The following SNAP23 variants were observed in gnomAD, a reference collection of about 807,000 sequenced individuals.
The protein encoded by SNAP23 is synaptosomal-associated protein 23.
Under a neutral mutation model 29.0 loss-of-function variants are expected in SNAP23, and 11 were observed. That is an observed-to-expected ratio of 0.38 (90% confidence interval 0.24 to 0.63). SNAP23 has a LOEUF of 0.63. Among genes scored for constraint, SNAP23 ranks in the 20% least tolerant of loss-of-function variants. The probability of loss-of-function intolerance (pLI) is 0.58; values close to 1 mark genes in which losing one functional copy is unlikely to be tolerated. For synonymous variants in SNAP23, 60 were observed against 82.9 expected (o/e 0.72, Z 1.50); for missense variants, 220 against 253.9 (o/e 0.87, Z 0.91).
intron 7 of SNAP23, among the ~76,000 whole-genome samples, chr15:42,530,532 G>A (rs1275135463): frequency 1.3e-5 from 2 of 152,186 alleles, no homozygotes; most frequent in Non-Finnish European, 2.9e-5. Flanking sequence ...GGCGGAGGCA[G>A]GAGGATTGCT....
chr15:42,511,777 T>A (rs2057359838), intron 1 of SNAP23, 56 bp from the exon 2 acceptor site: 10 of 1,101,068 alleles, frequency 9.1e-6, no homozygotes, highest in Admixed American at 5.1e-5. Flanking sequence ...TCACACAAAC[T>A]TTTATATATC....
At chr15:42,507,107 C>G (rs952772254) in intron 1 of SNAP23, among the ~76,000 whole-genome samples, 3 of 152,124 alleles carry the variant, frequency 2.0e-5, no homozygotes, top group Admixed American at 6.6e-5. Context: ...CGTGTGCCAC[C>G]ACTCCCAGCT....
intron 1 of SNAP23, among the ~76,000 whole-genome samples, chr15:42,509,093 T>C (rs552208715): frequency 5.8e-4 from 89 of 152,162 alleles, no homozygotes; most frequent in African/African-American, 2.0e-3. Context: ...ATGTGGGGTA[T>C]TATAGAAAGG....
At chr15:42,524,045 T>C (rs2057472975) in intron 5 of SNAP23, among the ~76,000 whole-genome samples, 1 of 152,030 alleles carries the variant, frequency 6.6e-6, no homozygotes, top group African/African-American at 2.4e-5. Flanking sequence ...CTTGAACTCC[T>C]GACCTCACGA....
intron 1 of SNAP23, chr15:42,504,973 C>A (rs2057305317): frequency 6.6e-6 from 1 of 152,158 alleles, no homozygotes; most frequent in South Asian, 2.1e-4. Flanking sequence ...GATTAATTTT[C>A]AGAGAAGGAA....
intron 5 of SNAP23, chr15:42,527,976 A>G: frequency 3.2e-6 from 1 of 315,400 alleles, no homozygotes; most frequent in Non-Finnish European, 5.9e-6. Flanking sequence ...GGGAACCTGA[A>G]AAATCAAATA....
upstream of SNAP23, chr15:42,492,903 A>G (rs1188845175): frequency 6.6e-6 from 1 of 152,230 alleles, no homozygotes; most frequent in Non-Finnish European, 1.5e-5. Context: ...ACTCTGGGCC[A>G]TCATTCAGGG....
intron 5 of SNAP23, among the ~76,000 whole-genome samples, chr15:42,515,877 A>G (rs2057392952): frequency 6.6e-6 from 1 of 152,210 alleles, no homozygotes; most frequent in Non-Finnish European, 1.5e-5. Flanking sequence ...TGGGTTGGAG[A>G]GCATCTTATA....
chr15:42,528,957 T>C (rs1020701329), intron 6 of SNAP23, among the ~76,000 whole-genome samples: 2 of 152,308 alleles, frequency 1.3e-5, no homozygotes, highest in South Asian at 2.1e-4. Flanking sequence ...TTCAGTACTT[T>C]CCAAATTATT....
At chr15:42,493,358 A>C (rs951761084), upstream of SNAP23, among the ~76,000 whole-genome samples, 49 of 151,502 alleles carry the variant, frequency 3.2e-4, no homozygotes, top group African/African-American at 5.8e-4. Context: ...CTCTCTCTAT[A>C]TATATATACA....
chr15:42,529,973 C>T (rs1055665774), intron 7 of SNAP23, among the ~76,000 whole-genome samples, 154 bp downstream of exon 7: 5 of 152,170 alleles, frequency 3.3e-5, no homozygotes, highest in Non-Finnish European at 7.4e-5. Flanking sequence ...ACACATAAAA[C>T]AAGAGCCAAG....
At chr15:42,499,450 T>A (rs921495570) in intron 1 of SNAP23, among the ~76,000 whole-genome samples, 2 of 152,176 alleles carry the variant, frequency 1.3e-5, no homozygotes, top group Admixed American at 1.3e-4. Context: ...CCTGTACTCA[T>A]GGGACAGCTG....
intron 1 of SNAP23, among the ~76,000 whole-genome samples, chr15:42,509,670 C>G (rs1221236459): frequency 6.6e-6 from 1 of 151,960 alleles, no homozygotes; most frequent in Non-Finnish European, 1.5e-5. Context: ...GATCTCCTAA[C>G]CCCGTGATCC....
chr15:42,518,645 T>G (rs533716092), intron 5 of SNAP23, among the ~76,000 whole-genome samples: 1 of 151,984 alleles, frequency 6.6e-6, no homozygotes, highest in South Asian at 2.1e-4. Flanking sequence ...TCTTGAACCC[T>G]TGGGCTCAGG....
At chr15:42,515,859 A>G (rs1251057755) in intron 5 of SNAP23, among the ~76,000 whole-genome samples, 1 of 152,186 alleles carries the variant, frequency 6.6e-6, no homozygotes, top group African/African-American at 2.4e-5. Context: ...TACAGAACTG[A>G]TAAAGGTTGG....
At chr15:42,491,678 A>G (rs2057165096), upstream of SNAP23, 1 of 152,228 alleles carries the variant, frequency 6.6e-6, no homozygotes, top group Non-Finnish European at 1.5e-5. Flanking sequence ...GTGTTTATCT[A>G]TGAATGCTGC....
chr15:42,528,386 A>G lies in SNAP23; in HGVS notation c.391A>G (p.Thr131Ala), dbSNP rs1435256643. The change falls in exon 6 of 8, where the codon ACA (threonine) becomes GCA (alanine). Residue 131 changes from threonine to alanine, a missense_variant. By Grantham distance (58) the Thr-to-Ala change is moderately conservative (BLOSUM62 0). Transcript: ENST00000249647. ...PVTNGQLQQP[T>A]TGAASGGYIK... ...GACAAATGGTCAGCTTCAGCAACCA[A>G]CAACGGGAGCAGCCAGTGGTGGATA... 1 of 1,614,074 alleles carries G rather than the reference A, an allele frequency of 6.2e-7. No homozygotes were observed. The highest frequency in any genetic ancestry group is 1.3e-5 in the African/African-American group (1 of 74,930).
intron 5 of SNAP23, among the ~76,000 whole-genome samples, chr15:42,526,487 T>A (rs192809833): frequency 3.9e-5 from 6 of 152,360 alleles, no homozygotes; most frequent in Admixed American, 3.9e-4. Flanking sequence ...GTATCCTTTC[T>A]GTAATGTTAA....
intron 1 of SNAP23, chr15:42,495,988 C>T (rs2057216236): frequency 6.6e-6 from 1 of 152,234 alleles, no homozygotes. Flanking sequence ...GCCCCTCACC[C>T]TTACTGTGTT....
Sources: gnomAD v4.1 joint callset for allele counts (sites outside exome capture counted in the v4.1 genomes callset) on GRCh38, gnomAD v4.1.1 for gene constraint, MANE v1.5 for transcripts, NCBI Gene and HGNC (gene_info 2026-07-23, HGNC 2026-07-21) for gene names.